SLC9A9: variants seen among roughly 807,000 people sequenced by gnomAD.
SLC9A9 encodes the protein solute carrier family 9 member A9.
Under a neutral mutation model 77.8 loss-of-function variants are expected in SLC9A9, and 62 were observed. The ratio of observed to expected loss-of-function variants is 0.80; its 90% CI spans 0.65 to 0.98. SLC9A9 has a LOEUF of 0.98. Among genes scored for constraint, SLC9A9 ranks in the 50% least tolerant of loss-of-function variants. The probability of loss-of-function intolerance (pLI) is 0.00; values close to 1 mark genes in which losing one functional copy is unlikely to be tolerated. For missense variants in SLC9A9, 775 were observed against 774.9 expected, an observed-to-expected ratio of 1.00 and a Z score of 0.00; for synonymous variants, 320 against 283.5, an observed-to-expected ratio of 1.13 and a Z score of -1.29.
chr3:143,578,346 G>A (rs754753541), intron 7 of SLC9A9, among the ~76,000 whole-genome samples: 1 of 152,144 alleles, frequency 6.6e-6, no homozygotes, highest in Non-Finnish European at 1.5e-5. Context: ...GGATCAGATA[G>A]TGTCAATAGC....
At chr3:143,277,672 C>A (rs188191457) in intron 14 of SLC9A9, among the ~76,000 whole-genome samples, 1 of 152,104 alleles carries the variant, frequency 6.6e-6, no homozygotes, top group Non-Finnish European at 1.5e-5. Context: ...ACATTTCTGG[C>A]GAAGAATGCT....
chr3:143,682,064 C>T (rs916442773), intron 5 of SLC9A9, among the ~76,000 whole-genome samples: 3 of 152,160 alleles, frequency 2.0e-5, no homozygotes, highest in Non-Finnish European at 4.4e-5. Flanking sequence ...TCATGCTACT[C>T]ATTGTAGAGA....
At chr3:143,719,488 G>A (rs1012311394) in intron 4 of SLC9A9, among the ~76,000 whole-genome samples, 2 of 152,038 alleles carry the variant, frequency 1.3e-5, no homozygotes, top group African/African-American at 4.8e-5. Flanking sequence ...TGGATCCTCA[G>A]CATTTAGTTG....
At chr3:143,359,657 A>T (rs769925095) in intron 14 of SLC9A9, among the ~76,000 whole-genome samples, 7 of 152,112 alleles carry the variant, frequency 4.6e-5, no homozygotes, top group Non-Finnish European at 1.0e-4. Context: ...GAGCCTTCTT[A>T]TGGCTGAAGA....
At chr3:143,527,654 G>C (rs564667114) in intron 9 of SLC9A9, among the ~76,000 whole-genome samples, 1 of 152,326 alleles carries the variant, frequency 6.6e-6, no homozygotes, top group African/African-American at 2.4e-5. Flanking sequence ...GTTCCTTCCT[G>C]TCTACCGAAG....
chr3:143,392,943 A>G (rs1341757781), intron 12 of SLC9A9, among the ~76,000 whole-genome samples: 1 of 152,230 alleles, frequency 6.6e-6, no homozygotes, highest in African/African-American at 2.4e-5. Context: ...CAGATTCATA[A>G]AGCAAGTCCT....
chr3:143,438,868 C>T (rs2034673562), intron 12 of SLC9A9, among the ~76,000 whole-genome samples: 1 of 152,172 alleles, frequency 6.6e-6, no homozygotes, highest in Non-Finnish European at 1.5e-5. Context: ...TGTCAGTGCC[C>T]AAGAGGACTC....
chr3:143,738,397 C>A (rs140781248), intron 4 of SLC9A9, among the ~76,000 whole-genome samples: 39 of 152,248 alleles, frequency 2.6e-4, no homozygotes, highest in South Asian at 1.7e-3. Context: ...CCCCTCTAGC[C>A]GTTACAACGG....
chr3:143,318,715 A>T (rs2031311982), intron 14 of SLC9A9, among the ~76,000 whole-genome samples: 1 of 152,168 alleles, frequency 6.6e-6, no homozygotes, highest in African/African-American at 2.4e-5. Flanking sequence ...TCAACCTGCG[A>T]TACCCAGTTC....
intron 4 of SLC9A9, among the ~76,000 whole-genome samples, chr3:143,772,677 G>A (rs1417442119): frequency 2.6e-5 from 4 of 152,172 alleles, no homozygotes; most frequent in African/African-American, 9.7e-5. Context: ...AGACATGACA[G>A]CTATTGTGAG....
intron 4 of SLC9A9, among the ~76,000 whole-genome samples, chr3:143,728,259 A>G (rs937201581): frequency 6.6e-6 from 1 of 152,184 alleles, no homozygotes; most frequent in Admixed American, 6.5e-5. Flanking sequence ...ACGACCTGTC[A>G]GTGGTGGAGA....
chr3:143,829,112 C>T (rs2009372412), intron 2 of SLC9A9, among the ~76,000 whole-genome samples: 1 of 152,144 alleles, frequency 6.6e-6, no homozygotes, highest in African/African-American at 2.4e-5. Context: ...TTTTGCCCAT[C>T]TATGAAATGA....
intron 14 of SLC9A9, among the ~76,000 whole-genome samples, chr3:143,320,448 C>G (rs1311098730): frequency 6.6e-6 from 1 of 152,190 alleles, no homozygotes; most frequent in Admixed American, 6.5e-5. Flanking sequence ...TTAGTTGGCT[C>G]ATGGTTCTGC....
At chr3:143,702,800 C>T (rs1933841742) in intron 4 of SLC9A9, among the ~76,000 whole-genome samples, 1 of 151,716 alleles carries the variant, frequency 6.6e-6, no homozygotes, top group South Asian at 2.1e-4. Context: ...AAAAACAAAA[C>T]AAGACCCAGT....
intron 12 of SLC9A9, among the ~76,000 whole-genome samples, chr3:143,461,062 C>A (rs2035182282): frequency 6.6e-6 from 1 of 152,060 alleles, no homozygotes; most frequent in Non-Finnish European, 1.5e-5. Flanking sequence ...ACAAAGTATA[C>A]AAATTTGCAG....
At chr3:143,749,888 C>T (rs2006656060) in intron 4 of SLC9A9, among the ~76,000 whole-genome samples, 2 of 152,200 alleles carry the variant, frequency 1.3e-5, no homozygotes. Context: ...TGCAGATGCT[C>T]AGGCACTTAA....
At chr3:143,603,249 C>T (rs1576604127) in intron 6 of SLC9A9, among the ~76,000 whole-genome samples, 1 of 152,204 alleles carries the variant, frequency 6.6e-6, no homozygotes, top group Admixed American at 6.5e-5. Flanking sequence ...TCTAGAAGGA[C>T]CATCTAAAGT....
intron 14 of SLC9A9, among the ~76,000 whole-genome samples, chr3:143,274,995 A>G (rs1938002680): frequency 6.6e-6 from 1 of 152,050 alleles, no homozygotes; most frequent in Non-Finnish European, 1.5e-5. Context: ...TACTGATCTC[A>G]TGCCTACCTC....
At chr3:143,756,932 G>A (rs2006946022) in intron 4 of SLC9A9, among the ~76,000 whole-genome samples, 1 of 152,094 alleles carries the variant, frequency 6.6e-6, no homozygotes, top group African/African-American at 2.4e-5. Context: ...TAATTGTGCT[G>A]TTACTGTAAA....
Sources: allele counts gnomAD v4.1 joint callset (sites outside exome capture counted in the v4.1 genomes callset), GRCh38; gene constraint gnomAD v4.1.1; transcripts MANE v1.5; gene names NCBI Gene and HGNC (gene_info 2026-07-23, HGNC 2026-07-21).